STIM1: variants seen among roughly 807,000 people sequenced by gnomAD.
The protein encoded by STIM1 is stromal interaction molecule 1.
STIM1 carries 25 observed loss-of-function variants against 74.7 expected under a neutral mutation model. The ratio of observed to expected loss-of-function variants is 0.33; its 90% confidence interval spans 0.24 to 0.47. The LOEUF is 0.47. Ranked by LOEUF, STIM1 falls within the 20% of genes least tolerant of loss-of-function variation. The pLI, the probability that STIM1 is intolerant of heterozygous loss-of-function variation, is 1.00. For synonymous variants in STIM1, 328 were observed against 348.8 expected, an observed-to-expected ratio of 0.94 and a Z score of 0.66; for missense variants, 728 against 920.8, an observed-to-expected ratio of 0.79 and a Z score of 2.71.
intron 1 of STIM1, among the ~76,000 whole-genome samples, chr11:3,957,238 A>G (rs2093226339): frequency 6.6e-6 from 1 of 152,100 alleles, no homozygotes; most frequent in African/African-American, 2.4e-5. Context: ...ACCTGTATAT[A>G]TAGTTGATGC....
At chr11:4,054,182 A>C (rs1040411973) in intron 3 of STIM1, among the ~76,000 whole-genome samples, 2 of 152,210 alleles carry the variant, frequency 1.3e-5, no homozygotes, top group Non-Finnish European at 2.9e-5. Flanking sequence ...AGTGTGCTCT[A>C]TACTAAGCAC....
At chr11:3,864,966 T>C (rs1436613256) in intron 1 of STIM1, among the ~76,000 whole-genome samples, 1 of 152,186 alleles carries the variant, frequency 6.6e-6, no homozygotes, top group Non-Finnish European at 1.5e-5. Context: ...GGGCTCCAAT[T>C]AGAAACTAGC....
chr11:3,917,403 C>T (rs2092660388), intron 1 of STIM1, among the ~76,000 whole-genome samples: 1 of 150,474 alleles, frequency 6.6e-6, no homozygotes. Flanking sequence ...TCTTTGATTA[C>T]AAAAGGTGAA....
intron 1 of STIM1, among the ~76,000 whole-genome samples, chr11:3,954,815 T>C (rs985888751): frequency 6.6e-6 from 1 of 152,236 alleles, no homozygotes; most frequent in Admixed American, 6.5e-5. Context: ...TAAAGTGATA[T>C]GCCTACTTTA....
intron 2 of STIM1, among the ~76,000 whole-genome samples, chr11:4,021,591 A>G (rs1357596407): frequency 6.6e-6 from 1 of 152,144 alleles, no homozygotes; most frequent in Non-Finnish European, 1.5e-5. Flanking sequence ...ATTGTTTTGG[A>G]GAATATTTTA....
intron 4 of STIM1, among the ~76,000 whole-genome samples, chr11:4,057,791 A>G (rs2094301734): frequency 6.7e-6 from 1 of 148,978 alleles, no homozygotes; most frequent in Non-Finnish European, 1.5e-5. Flanking sequence ...AATGGCGTGA[A>G]CCCGGGAGGT....
intron 1 of STIM1, among the ~76,000 whole-genome samples, chr11:3,930,467 C>T (rs1203405284): frequency 2.0e-5 from 3 of 152,226 alleles, no homozygotes; most frequent in East Asian, 1.9e-4. Context: ...TGAATTATCT[C>T]ATATAGCTCA....
intron 5 of STIM1, among the ~76,000 whole-genome samples, chr11:4,066,949 A>G (rs1286113007): frequency 6.6e-6 from 1 of 152,180 alleles, no homozygotes; most frequent in African/African-American, 2.4e-5. Flanking sequence ...TCATAGACTC[A>G]CTTAGTGGTG....
rs139558513 is a variant in STIM1, at chr11:4,086,812, C to G, written c.1634+269C>G. On this transcript the variant is annotated intron_variant, in intron 12 of 12. Coordinates refer to ENST00000526596, the MANE Select transcript of STIM1 (RefSeq NM_001382567.1). ...CCAGATGGAGCCCTACCCTGACACACCCCCTTCTGACAGCACCGCTGTGAT... is the reference window on the plus strand; with the variant it reads ...CCAGATGGAGCCCTACCCTGACACAGCCCCTTCTGACAGCACCGCTGTGAT... 652 of 1,536,526 alleles carry G rather than the reference C, an allele frequency of 4.2e-4. 1 individual carries two copies. The African/African-American group carries it at 7.8e-3, about 18-fold the overall frequency.
At chr11:4,066,189 G>C (rs2094364012) in intron 5 of STIM1, among the ~76,000 whole-genome samples, 1 of 152,160 alleles carries the variant, frequency 6.6e-6, no homozygotes, top group South Asian at 2.1e-4. Flanking sequence ...CCCTGGGTTA[G>C]CTCTGTTCAC....
chr11:3,941,320 A>C (rs1237793950), intron 1 of STIM1, among the ~76,000 whole-genome samples: 1 of 152,178 alleles, frequency 6.6e-6, no homozygotes, highest in African/African-American at 2.4e-5. Flanking sequence ...AGGCCTGCAT[A>C]AAGTGATATT....
chr11:3,939,824 G>A (rs558316438), intron 1 of STIM1, among the ~76,000 whole-genome samples: 1 of 152,258 alleles, frequency 6.6e-6, no homozygotes, highest in African/African-American at 2.4e-5. Flanking sequence ...GCTGCCTGGG[G>A]GCTTTCTCTG....
intron 1 of STIM1, among the ~76,000 whole-genome samples, chr11:3,862,455 G>C (rs1288414974): frequency 6.6e-6 from 1 of 152,116 alleles, no homozygotes; most frequent in African/African-American, 2.4e-5. Context: ...GCATTCTACA[G>C]GTGATAGAGG....
At position 3,967,652 on chromosome 11, in the gene STIM1, T is replaced by C. The variant is rs772255924; in HGVS notation, c.240T>C (p.Asn80=). 1.5e-5 allele frequency: 24 copies of C among 1,614,180 alleles called. No homozygotes were observed. Among genetic ancestry groups the C allele is most frequent in the Non-Finnish European group, 2.0e-5 (24 of 1,180,020 alleles). ...ACAAACTGATGGACGATGATGCCAA[T>C]GGTGATGTGGATGTGGAAGAAAGTG... is the stretch of plus-strand genomic sequence containing the variant. ...NIHKLMDDDA[N]GDVDVEESDE... The change falls in exon 2 of 13, where the codon AAT becomes AAC. Residue 80 remains asparagine (N), a synonymous_variant. Coordinates refer to ENST00000526596, the MANE Select transcript of STIM1 (RefSeq NM_001382567.1).
chr11:4,073,698 T>C lies in STIM1; in HGVS notation c.792-804T>C, dbSNP rs568050290. 6.5e-4 allele frequency among the ~76,000 whole-genome samples: 99 copies of C among 152,288 alleles called. 1 individual carries two copies. The highest frequency in any genetic ancestry group is 2.3e-3 in the African/African-American group (97 of 41,550). ...GCTTGTTTAGCTGGATGGAAGGTTT[T>C]GTCGGTGAACTGAGGGAATGTGTGT... is the stretch of plus-strand genomic sequence containing the variant. On this transcript the variant is annotated intron_variant, in intron 6 of 12. Transcript: ENST00000526596.
chr11:3,924,845 C>T (rs1258859547), intron 1 of STIM1, among the ~76,000 whole-genome samples: 4 of 152,092 alleles, frequency 2.6e-5, no homozygotes, highest in Non-Finnish European at 4.4e-5. Flanking sequence ...CTAAGAAAGT[C>T]TTATGCTATG....
Position 3,913,801 on chromosome 11 carries a change from C to T in STIM1, c.140-53751C>T, listed in dbSNP as rs1369958741. Among the ~76,000 whole-genome samples the T allele has an allele frequency of 5.9e-5, 9 of 152,206 alleles. No individual in the cohort carries two copies. In the East Asian group the frequency reaches 7.7e-4, roughly 13 times the overall value. ...TATTAAGCAGTTTCTCCCTATTTTC[C>T]GCTCCCGCTGGCAGCCACCAATAGG... On this transcript the variant is annotated intron_variant, in intron 1 of 12. Coordinates refer to ENST00000526596, the MANE Select transcript of STIM1 (RefSeq NM_001382567.1).
chr11:3,971,890 T>C (rs1283257426), intron 2 of STIM1, among the ~76,000 whole-genome samples: 1 of 152,032 alleles, frequency 6.6e-6, no homozygotes, highest in Non-Finnish European at 1.5e-5. Flanking sequence ...CTCCTAATAT[T>C]AAACATAAAA....
intron 10 of STIM1, among the ~76,000 whole-genome samples, chr11:4,084,218 T>C (rs1303773951): frequency 1.3e-5 from 2 of 152,208 alleles, no homozygotes; most frequent in Non-Finnish European, 2.9e-5. Flanking sequence ...TTTCTTTGGA[T>C]CAGATGCTAT....
Sources: gnomAD v4.1 joint callset for allele counts (sites outside exome capture counted in the v4.1 genomes callset) on GRCh38, gnomAD v4.1.1 for gene constraint, MANE v1.5 for transcripts, NCBI Gene and HGNC (gene_info 2026-07-23, HGNC 2026-07-21) for gene names.